The following INPP5B variants were observed in gnomAD, a reference collection of about 807,000 sequenced individuals.
INPP5B encodes the protein inositol polyphosphate-5-phosphatase B, also known as type II inositol 1,4,5-trisphosphate 5-phosphatase.
In INPP5B, 90 loss-of-function variants were observed where a neutral mutation model predicts 118.5. The observed-to-expected ratio is 0.76, with a 90% CI of 0.64 to 0.90. INPP5B has a LOEUF of 0.90. Ranked by LOEUF, INPP5B falls within the 40% of genes least tolerant of loss-of-function variation. The pLI, the probability that INPP5B is intolerant of heterozygous loss-of-function variation, is 0.00. For missense variants in INPP5B, 984 were observed against 1,125.6 expected (o/e 0.87, Z 1.80); for synonymous variants, 385 against 418.9 (o/e 0.92, Z 0.99).
intron 9 of INPP5B, 66 bp downstream of exon 9, chr1:37,889,491 T>G: frequency 1.6e-6 from 2 of 1,264,456 alleles, no homozygotes; most frequent in Non-Finnish European, 2.2e-6. Flanking sequence ...TAGGAGGAAG[T>G]GCTCAAATTC....
At chr1:37,914,727 A>G (rs913707520) in intron 7 of INPP5B, among the ~76,000 whole-genome samples, 1 of 152,184 alleles carries the variant, frequency 6.6e-6, no homozygotes, top group Non-Finnish European at 1.5e-5. Flanking sequence ...CCATCAAGGC[A>G]TGATAATGGT....
chr1:37,931,744 C>G, intron 7 of INPP5B, 169 bp downstream of exon 7: 2 of 1,596,656 alleles, frequency 1.3e-6, no homozygotes, highest in South Asian at 1.1e-5. Context: ...CTCCTCATCC[C>G]GCCGCCCGTC....
At chr1:37,884,529 C>A (rs185101622) in intron 13 of INPP5B, among the ~76,000 whole-genome samples, 2 of 152,112 alleles carry the variant, frequency 1.3e-5, no homozygotes, top group Non-Finnish European at 2.9e-5. Context: ...TCGATCCCCC[C>A]ACCTCAGCCT....
chr1:37,887,068 C>T lies in INPP5B; in HGVS notation c.1015-64G>A, dbSNP rs922546945. The T allele has an allele frequency of 2.2e-6, 3 of 1,354,770 alleles. No individual in the cohort carries two copies. The African/African-American group carries it at 4.3e-5, about 19-fold the overall frequency. The allele number at this position is 1,354,770 out of a possible 1,614,324, so 83.9% of individuals were successfully genotyped here. A position where few individuals can be genotyped will look rare whatever the true frequency, so the allele number is the denominator to read the frequency against. The stretch of plus-strand genomic sequence containing the variant: ...ACAGGAATAAATACCCCAAAGGAAA[C>T]ATAGTCTGGAAGCTGGCTGAGAGTA... On this transcript the variant is annotated intron_variant, in intron 11 of 23. Transcript: ENST00000373024.
At position 37,924,977 on chromosome 1, in the gene INPP5B, C is replaced by T. The variant is rs1302231244; in HGVS notation, c.532+6936G>A. On this transcript the variant is annotated intron_variant, in intron 7 of 23. Coordinates refer to ENST00000373024, the MANE Select transcript of INPP5B (RefSeq NM_005540.3). Reference sequence around the variant, plus strand: ...TCACCTGAAATCAGGAGTTCAAGATCAGCCTGGCCAACATGTTGAAACCCC... The same window carrying T: ...TCACCTGAAATCAGGAGTTCAAGATTAGCCTGGCCAACATGTTGAAACCCC... Among the ~76,000 whole-genome samples, 3 of 152,196 alleles carry T rather than the reference C, an allele frequency of 2.0e-5. No individual in the cohort carries two copies. The East Asian group carries it at 5.8e-4, about 29-fold the overall frequency.
intron 22 of INPP5B, 106 bp downstream of exon 22, chr1:37,865,655 G>T: frequency 1.6e-6 from 2 of 1,236,714 alleles, no homozygotes; most frequent in Non-Finnish European, 2.3e-6. Flanking sequence ...GGAAAGATAA[G>T]GTGTTCAGTT....
rs1206916947 is a variant in INPP5B, at chr1:37,880,152, T to A, written c.1474A>T (p.Thr492Ser). The change falls in exon 15 of 24, where the codon ACA becomes TCA. Residue 492 changes from threonine to serine, a missense_variant. Physicochemically the swap from Thr to Ser is moderately conservative, Grantham distance 58. Coordinates refer to ENST00000373024, the MANE Select transcript of INPP5B (RefSeq NM_005540.3). ...GGCTGGAATGTGAGCTCACCCTCTG[T>A]GAAGCCTTCAAAGACAGTCTTTGCG... ...VAAKTVFEGF[T>S]EGELTFQPTY... 1 of 1,611,950 alleles carries A rather than the reference T, an allele frequency of 6.2e-7. No homozygotes were observed. The highest frequency in any genetic ancestry group is 8.5e-7 in the Non-Finnish European group (1 of 1,178,558).
chr1:37,931,521 C>T (rs1424258608), intron 7 of INPP5B: 1 of 1,535,554 alleles, frequency 6.5e-7, no homozygotes, highest in Non-Finnish European at 8.7e-7. Flanking sequence ...AGAACTTCTG[C>T]CCCAGTGTCC....
intron 7 of INPP5B, among the ~76,000 whole-genome samples, chr1:37,904,122 TGAGAC>T (rs112151835): frequency 0.022 from 3,337 of 152,070 alleles, 121 homozygotes; most frequent in African/African-American, 0.077. Context: ...GTCAGGAATT[TGAGAC>T]CAGCCTAGCC....
At chr1:37,873,280 A>C in intron 18 of INPP5B, 115 bp from the exon 19 acceptor site, 1 of 722,392 alleles carries the variant, frequency 1.4e-6, no homozygotes, top group South Asian at 1.7e-5. Context: ...AAGAAAAGGT[A>C]TCAGCCAACC....
At chr1:37,908,207 T>G (rs1644562640) in intron 7 of INPP5B, among the ~76,000 whole-genome samples, 1 of 152,102 alleles carries the variant, frequency 6.6e-6, no homozygotes, top group African/African-American at 2.4e-5. Context: ...TGACATTTGG[T>G]GCCAAAACCC....
At position 37,862,280 on chromosome 1, in the gene INPP5B, TGGC is replaced by T; in HGVS notation, c.*32_*34del. On this transcript the variant is annotated 3_prime_UTR_variant, in exon 24 of 24. Coordinates refer to ENST00000373024, the MANE Select transcript of INPP5B (RefSeq NM_005540.3). ...AGCTGAAACAGGTGGGGCTGGTAAT[TGGC>T]AGCCTCAAGTAAAATAGGAGGAGAG... 7.2e-7 allele frequency: 1 copy of T among 1,397,590 alleles called. No homozygotes were observed. The highest frequency in any genetic ancestry group is 1.0e-6 in the Non-Finnish European group (1 of 983,412). 86.6% of individuals were successfully genotyped at this position (1,397,590 alleles called of 1,614,324 possible).
intron 12 of INPP5B, among the ~76,000 whole-genome samples, chr1:37,886,306 T>C (rs1267313057): frequency 4.7e-5 from 7 of 149,638 alleles, no homozygotes; most frequent in Admixed American, 4.7e-4. Flanking sequence ...GACTAGCCAG[T>C]CAATGGCAAA....
chr1:37,927,784 T>G lies in INPP5B; in HGVS notation c.532+4129A>C, dbSNP rs552920832. Among the ~76,000 whole-genome samples the G allele has an allele frequency of 7.1e-3, 1,074 of 152,022 alleles. 9 individuals carry two copies. Among genetic ancestry groups the G allele is most frequent in the Admixed American group, 0.019 (282 of 15,202 alleles). On this transcript the variant is annotated intron_variant, in intron 7 of 23. Coordinates refer to ENST00000373024, the MANE Select transcript of INPP5B (RefSeq NM_005540.3). ...AATCTCCTGACCTCGTGATCCGCCC[T>G]CCTTGGCCTCCCAAAGTGCAGGGAT...
chr1:37,864,694 T>C (rs1641922637), intron 22 of INPP5B: 2 of 257,332 alleles, frequency 7.8e-6, no homozygotes, highest in East Asian at 1.5e-4. Flanking sequence ...AAAATGGGAC[T>C]TACAGAGGTT....
chr1:37,929,309 AG>A (rs2148657525), intron 7 of INPP5B: 1 of 151,898 alleles, frequency 6.6e-6, no homozygotes, highest in African/African-American at 2.4e-5. Context: ...TAGTAGAGAC[AG>A]GGTTTCGCCA....
At chr1:37,867,599 A>G (rs779248300) in intron 20 of INPP5B, among the ~76,000 whole-genome samples, 9 of 152,260 alleles carry the variant, frequency 5.9e-5, no homozygotes, top group Non-Finnish European at 1.3e-4. Flanking sequence ...GCAACTTTCA[A>G]TAAATGTGAG....
At chr1:37,925,123 G>A (rs1645181937) in intron 7 of INPP5B, among the ~76,000 whole-genome samples, 1 of 152,054 alleles carries the variant, frequency 6.6e-6, no homozygotes, top group South Asian at 2.1e-4. Context: ...GCAGTGAGCA[G>A]AGATCACACC....
At chr1:37,889,458 G>T in intron 9 of INPP5B, 99 bp downstream of exon 9, 3 of 846,212 alleles carry the variant, frequency 3.5e-6, no homozygotes, top group Non-Finnish European at 3.7e-6. Flanking sequence ...TTCTATAGAA[G>T]AGTATGTCTC....
Sources: gnomAD v4.1 joint callset for allele counts (sites outside exome capture counted in the v4.1 genomes callset) on GRCh38, gnomAD v4.1.1 for gene constraint, MANE v1.5 for transcripts, NCBI Gene and HGNC (gene_info 2026-07-23, HGNC 2026-07-21) for gene names.